The following TMEM94 variants were observed in gnomAD, a reference collection of about 807,000 sequenced individuals.
TMEM94 encodes transmembrane protein 94.
TMEM94 carries 81 observed loss-of-function variants against 158.6 expected under a neutral mutation model. That is an observed-to-expected ratio of 0.51 (90% CI 0.43 to 0.61). The LOEUF (loss-of-function observed/expected upper bound fraction) is 0.61, where lower values mean the gene tolerates loss of function less well. TMEM94 is among the 20% of genes least tolerant of loss of function. The probability of loss-of-function intolerance (pLI) is 0.00; values close to 1 mark genes in which losing one functional copy is unlikely to be tolerated. For synonymous variants in TMEM94, 751 were observed against 730.7 expected, an observed-to-expected ratio of 1.03 and a Z score of -0.45; for missense variants, 1,435 against 1,762.0, an observed-to-expected ratio of 0.81 and a Z score of 3.32.
chr17:75,493,729 C>G lies in TMEM94; in HGVS notation c.2220C>G (p.Ala740=). 3 of 1,614,116 alleles carry G rather than the reference C, an allele frequency of 1.9e-6. No individual in the cohort carries two copies. The highest frequency in any genetic ancestry group is 2.5e-6 in the Non-Finnish European group (3 of 1,180,036). ...RKKVLDFYQR[A]CLSGYCSAFA... ...AAGTGCTGGACTTCTACCAGCGAGC[C>G]TGCCTGTCTGGGTATTGCTCTGCCT... The change falls in exon 18 of 32, where the codon GCC becomes GCG. Residue 740 remains alanine, a synonymous_variant. Coordinates refer to ENST00000314256, the MANE Select transcript of TMEM94 (RefSeq NM_014738.6).
At chr17:75,496,577 C>A in intron 24 of TMEM94, 106 bp downstream of exon 24, 3 of 1,423,848 alleles carry the variant, frequency 2.1e-6, no homozygotes, top group Non-Finnish European at 2.9e-6. Flanking sequence ...ATTCCCCAGC[C>A]CTCCGAGCGG....
chr17:75,460,261 G>A (rs2050020401), intron 1 of TMEM94, among the ~76,000 whole-genome samples: 1 of 152,174 alleles, frequency 6.6e-6, no homozygotes, highest in East Asian at 1.9e-4. Flanking sequence ...AAATTTTAGT[G>A]TACTATAATT....
intron 16 of TMEM94, 59 bp downstream of exon 16, chr17:75,493,161 G>GCTCT (rs2052370828): frequency 9.1e-6 from 14 of 1,533,472 alleles, no homozygotes; most frequent in Admixed American, 5.4e-5. Context: ...TGGCAGGGGG[G>GCTCT]CTCTGCCCAG....
intron 2 of TMEM94, among the ~76,000 whole-genome samples, chr17:75,477,602 A>G (rs1256934207): frequency 6.6e-6 from 1 of 152,172 alleles, no homozygotes; most frequent in Non-Finnish European, 1.5e-5. Context: ...GTCAAGGTCT[A>G]AATTCATAAC....
intron 2 of TMEM94, among the ~76,000 whole-genome samples, chr17:75,481,902 G>T (rs2051192256): frequency 1.3e-5 from 2 of 152,206 alleles, no homozygotes; most frequent in African/African-American, 4.8e-5. Flanking sequence ...CTTTCATGGG[G>T]CTCTTCTTTG....
Position 75,487,873 on chromosome 17 carries a change from C to G in TMEM94, c.410-59C>G. The G allele has an allele frequency of 6.9e-7, 1 of 1,453,698 alleles. No individual in the cohort carries two copies. The highest frequency in any genetic ancestry group is 9.6e-7 in the Non-Finnish European group (1 of 1,041,432). 90.0% of individuals were successfully genotyped at this position (1,453,698 alleles called of 1,614,324 possible). ...AGTGCTTCCGGAAGTGCTGCTGTAT[C>G]TGACTGGGGGGCAGGGCCGTGGCTG... On this transcript the variant is annotated intron_variant, in intron 5 of 31. Transcript: ENST00000314256. The surrounding 1 kb of genome is among the most constrained non-coding windows in gnomAD (Gnocchi z 4.6).
At chr17:75,465,265 G>A (rs2050261381) in intron 1 of TMEM94, among the ~76,000 whole-genome samples, 2 of 152,172 alleles carry the variant, frequency 1.3e-5, no homozygotes, top group Admixed American at 6.6e-5. Context: ...TCCCCCGTCA[G>A]CCTCCCAAAG....
In TMEM94 at chr17:75,496,311, G is replaced by A. The variant is rs759770493; in HGVS notation, c.3083G>A (p.Arg1028His). The change falls in exon 24 of 32, where the codon CGT (arginine) becomes CAT (histidine). Residue 1028 changes from arginine (R) to histidine (H), a missense_variant. Around this residue, in one of 3 missense-constraint regions of TMEM94, gnomAD observed 49 missense variants for 98.5 expected, o/e 0.50. Coordinates refer to ENST00000314256, the MANE Select transcript of TMEM94 (RefSeq NM_014738.6). ...SIALDPLYPSRCSWETFGYAT... is the reference protein window; with the variant it reads ...SIALDPLYPSHCSWETFGYAT... ...GCCCTGGATCCCCTGTACCCATCCCGTTGCTCCTGGGAGACCTTTGGCTAC... is the reference window on the plus strand; with the variant it reads ...GCCCTGGATCCCCTGTACCCATCCCATTGCTCCTGGGAGACCTTTGGCTAC... 7 of 1,614,056 alleles carry A rather than the reference G, an allele frequency of 4.3e-6. No individual in the cohort carries two copies. Among genetic ancestry groups the A allele is most frequent in the East Asian group, 2.2e-5 (1 of 44,902 alleles).
chr17:75,495,362 A>G lies in TMEM94; in HGVS notation c.2807A>G (p.Asp936Gly). The G allele has an allele frequency of 6.2e-7, 1 of 1,613,810 alleles. No individual in the cohort carries two copies. Among genetic ancestry groups the G allele is most frequent in the Non-Finnish European group, 8.5e-7 (1 of 1,179,938 alleles). The stretch of plus-strand genomic sequence containing the variant: ...GACCTCATCAGCTTCCAGCCTACGG[A>G]CAGCGACATCCCCAGCTTCCTGGAG... ...HSDLISFQPT[D>G]SDIPSFLEDS... Residue 936 changes from aspartate to glycine, a missense_variant, in exon 21 of 32, where the codon GAC (aspartate) becomes GGC (glycine). Asp to Gly is a moderately conservative substitution (Grantham distance 94). Coordinates refer to ENST00000314256, the MANE Select transcript of TMEM94 (RefSeq NM_014738.6). This position sits in a 1 kb window ranked among gnomAD's most constrained non-coding sequence, Gnocchi z 5.6.
chr17:75,490,711 T>A lies in TMEM94; in HGVS notation c.1081T>A (p.Phe361Ile), dbSNP rs1334956906. ...KASPSSLLAK[F>I]SEDTLSSYTE... ...CCCTCTCTCCGTGCAGCTGGCTAAG[T>A]TCTCAGAGGATACTCTCAGCAGCTA... The change falls in exon 11 of 32, where the codon TTC (phenylalanine) becomes ATC (isoleucine). Residue 361 changes from phenylalanine (F) to isoleucine (I), a missense_variant. Physicochemically the swap from Phe to Ile is conservative, Grantham distance 21. Around this residue, in one of 3 missense-constraint regions of TMEM94, gnomAD observed 1,051 missense variants for 1,254.4 expected, o/e 0.84. Transcript: ENST00000314256. The A allele has an allele frequency of 1.2e-6, 2 of 1,614,016 alleles. No homozygotes were observed. The highest frequency in any genetic ancestry group is 2.7e-5 in the African/African-American group (2 of 74,932).
chr17:75,482,614 G>A lies in TMEM94; in HGVS notation c.25-2814G>A, dbSNP rs2051268494. Among the ~76,000 whole-genome samples, 8 of 152,114 alleles carry A rather than the reference G, an allele frequency of 5.3e-5. No homozygotes were observed. The South Asian group carries it at 1.7e-3, about 31-fold the overall frequency. On this transcript the variant is annotated intron_variant, in intron 2 of 31. Transcript: ENST00000314256. Reference sequence around the variant, plus strand: ...ATCCCCAGAAATTTTGGTTCAGTAGGTCCGGAGTGGAGCCTAGACATCCAC... The same window carrying A: ...ATCCCCAGAAATTTTGGTTCAGTAGATCCGGAGTGGAGCCTAGACATCCAC...
intron 2 of TMEM94, among the ~76,000 whole-genome samples, chr17:75,481,564 C>G (rs116290899): frequency 0.017 from 2,556 of 152,356 alleles, 62 homozygotes; most frequent in African/African-American, 0.058. Context: ...CCTGCCAGGG[C>G]TGAGGCTCAG....
At chr17:75,490,796 C>T in intron 11 of TMEM94, 38 bp downstream of exon 11, 2 of 1,583,012 alleles carry the variant, frequency 1.3e-6, no homozygotes, top group Non-Finnish European at 1.7e-6. Context: ...CTCGCAGGTC[C>T]CTAGAGCCAT....
chr17:75,467,955 A>AAAT (rs1712573658), intron 1 of TMEM94, among the ~76,000 whole-genome samples: 1 of 152,212 alleles, frequency 6.6e-6, no homozygotes, highest in Admixed American at 6.5e-5. Context: ...ACTATATGTC[A>AAAT]AATATTATAC....
rs200340871 is a variant in TMEM94 at position 75,495,049 on chromosome 17, G to A, written c.2728+15G>A. The A allele has an allele frequency of 3.2e-5, 51 of 1,610,110 alleles. No individual in the cohort carries two copies. Among genetic ancestry groups the A allele is most frequent in the Middle Eastern group, 1.7e-4 (1 of 5,976 alleles). ...CCTGAATCAGGGTAAGGGCAAAGGCGTGGGGTGGGGACGGGGTGGCGGTGG... is the reference window on the plus strand; with the variant it reads ...CCTGAATCAGGGTAAGGGCAAAGGCATGGGGTGGGGACGGGGTGGCGGTGG... On this transcript the variant is annotated intron_variant, in intron 20 of 31. Transcript: ENST00000314256. The surrounding 1 kb of genome is among the most constrained non-coding windows in gnomAD (Gnocchi z 5.6).
At chr17:75,484,592 C>A (rs2051435431) in intron 2 of TMEM94, among the ~76,000 whole-genome samples, 1 of 151,718 alleles carries the variant, frequency 6.6e-6, no homozygotes, top group Admixed American at 6.6e-5. Flanking sequence ...AGATGGGGTT[C>A]CTCTATGTTG....
At chr17:75,490,174 C>G in intron 9 of TMEM94, 60 bp from the exon 10 acceptor site, 1 of 1,590,210 alleles carries the variant, frequency 6.3e-7, no homozygotes, top group Non-Finnish European at 8.6e-7. Context: ...GCAGCCCTTC[C>G]CTTCCCTCCT....
intron 1 of TMEM94, among the ~76,000 whole-genome samples, chr17:75,462,001 GTTTTGTTTTGTTT>G (rs1472801993): frequency 1.2e-5 from 1 of 85,664 alleles, no homozygotes; most frequent in Non-Finnish European, 2.1e-5. Context: ...TTTTTGTTTT[GTTTTGTTTTGTTT>G]TTTTTTTTTT....
Position 75,498,665 on chromosome 17 carries a change from C to T in TMEM94, c.3770C>T (p.Pro1257Leu), listed in dbSNP as rs747259806. ...ATCACCCATGTGCATCGCACCAAGC[C>T]CCTGTGGAGAAAGAGCCCCTTGACC... The part of the protein sequence containing the change: ...ISITHVHRTK[P>L]LWRKSPLTNL... The change falls in exon 30 of 32, where the codon CCC (proline) becomes CTC (leucine). Residue 1257 changes from proline to leucine, a missense_variant. Physicochemically the swap from Pro to Leu is moderately conservative, Grantham distance 98. Coordinates refer to ENST00000314256, the MANE Select transcript of TMEM94 (RefSeq NM_014738.6). The surrounding 1 kb of genome is among the most constrained non-coding windows in gnomAD (Gnocchi z 6.7). 2 of 1,599,704 alleles carry T rather than the reference C, an allele frequency of 1.3e-6. No individual in the cohort carries two copies. Among genetic ancestry groups the T allele is most frequent in the Non-Finnish European group, 1.7e-6 (2 of 1,172,654 alleles).
Sources: allele counts gnomAD v4.1 joint callset (sites outside exome capture counted in the v4.1 genomes callset), GRCh38; gene constraint gnomAD v4.1.1; regional missense constraint gnomAD v4.1.1; non-coding constraint Gnocchi (gnomAD v3.1); transcripts MANE v1.5; gene names NCBI Gene and HGNC (gene_info 2026-07-23, HGNC 2026-07-21).